SPEF2: variants seen among roughly 807,000 people sequenced by gnomAD.
SPEF2 encodes the protein sperm flagella and cilia-associated protein 2.
In SPEF2, 187 loss-of-function variants were observed where a neutral mutation model predicts 224.6. The ratio of observed to expected loss-of-function variants is 0.83; its 90% CI spans 0.74 to 0.94. The LOEUF (loss-of-function observed/expected upper bound fraction) is 0.94, where lower values mean the gene tolerates loss of function less well. Ranked by LOEUF, SPEF2 falls within the 40% of genes least tolerant of loss-of-function variation. SPEF2 has a pLI of 0.00. For missense variants in SPEF2, 2,170 were observed against 2,135.6 expected, an observed-to-expected ratio of 1.02 and a Z score of -0.32; for synonymous variants, 715 against 707.3, an observed-to-expected ratio of 1.01 and a Z score of -0.17.
intron 2 of SPEF2, among the ~76,000 whole-genome samples, chr5:35,632,371 G>C (rs1029897212): frequency 9.2e-5 from 14 of 152,170 alleles, no homozygotes; most frequent in African/African-American, 1.4e-4. Flanking sequence ...GAGTAGCAAA[G>C]TGGGAAGGGC....
intron 26 of SPEF2, among the ~76,000 whole-genome samples, chr5:35,771,176 T>C (rs1752802582): frequency 6.6e-6 from 1 of 151,780 alleles, no homozygotes; most frequent in African/African-American, 2.4e-5. Flanking sequence ...AAAAACTCTG[T>C]AGGGGATCAG....
chr5:35,692,418 A>ACAAAC, intron 11 of SPEF2, 152 bp from the exon 12 acceptor site: 1 of 632,952 alleles, frequency 1.6e-6, no homozygotes, highest in African/African-American at 1.8e-5. Context: ...CTCAAACAAA[A>ACAAAC]CAAACCAAAC....
At chr5:35,656,339 CTTCT>C (rs1284555420) in intron 7 of SPEF2, among the ~76,000 whole-genome samples, 2 of 152,142 alleles carry the variant, frequency 1.3e-5, no homozygotes, top group Non-Finnish European at 2.9e-5. Flanking sequence ...ATGGATTCCA[CTTCT>C]TTCTTAGTGA....
Position 35,805,979 on chromosome 5 carries a change from G to A in SPEF2, c.5011-728G>A, listed in dbSNP as rs566075369. Among the ~76,000 whole-genome samples the A allele has an allele frequency of 7.8e-4, 118 of 152,110 alleles. 1 individual carries two copies. Among genetic ancestry groups the A allele is most frequent in the South Asian group, 2.7e-3 (13 of 4,804 alleles). ...GAATCTTAGGTTTTCTATTTTTGCT[G>A]TAACACTGAATGAACAGCCATATAC... On this transcript the variant is annotated intron_variant, in intron 34 of 36. Coordinates refer to ENST00000356031, the MANE Select transcript of SPEF2 (RefSeq NM_024867.4).
intron 8 of SPEF2, among the ~76,000 whole-genome samples, chr5:35,662,799 G>C (rs1580171758): frequency 6.6e-6 from 1 of 152,012 alleles, no homozygotes; most frequent in East Asian, 1.9e-4. Context: ...GTCTGTTTTT[G>C]TGTTTTGATT....
At chr5:35,717,240 C>T (rs918245963) in intron 20 of SPEF2, among the ~76,000 whole-genome samples, 3 of 152,016 alleles carry the variant, frequency 2.0e-5, no homozygotes, top group Non-Finnish European at 4.4e-5. Flanking sequence ...CAGGAGACAC[C>T]ATATGTAAGA....
At chr5:35,805,106 G>A (rs991570) in intron 34 of SPEF2, among the ~76,000 whole-genome samples, 77,240 of 152,018 alleles carry the variant, frequency 0.51, 22,166 homozygotes, top group African/African-American at 0.79. Context: ...AGCATTTCCA[G>A]ATGTTTAAAG....
In SPEF2 at chr5:35,776,298, GC is replaced by G; in HGVS notation, c.4121del (p.Ala1374AspfsTer8). ...QFRLELIKTK[A>X]LALLEDLVTK... is the part of the protein sequence containing the mutation. ...TCGACTTGAACTGATAAAGACAAAA[GC>G]ATTGGCTCTTCTTGAAGATTTAGTA... On this transcript the variant is annotated frameshift_variant, in exon 29 of 37. Coordinates refer to ENST00000356031, the MANE Select transcript of SPEF2 (RefSeq NM_024867.4). LOFTEE classifies it high-confidence loss of function. The G allele has an allele frequency of 6.2e-7, 1 of 1,611,962 alleles. No homozygotes were observed. Among genetic ancestry groups the G allele is most frequent in the African/African-American group, 1.3e-5 (1 of 74,902 alleles).
At chr5:35,778,411 G>A (rs1225938335) in intron 29 of SPEF2, among the ~76,000 whole-genome samples, 1 of 152,138 alleles carries the variant, frequency 6.6e-6, no homozygotes, top group East Asian at 1.9e-4. Flanking sequence ...GAAATTCAGA[G>A]AGCCCAGGAT....
chr5:35,699,374 G>T (rs543772134), intron 15 of SPEF2: 1 of 152,168 alleles, frequency 6.6e-6, no homozygotes, highest in Non-Finnish European at 1.5e-5. Flanking sequence ...TTGTTTTCCA[G>T]CTGCAAATTA....
chr5:35,732,264 A>T (rs1467655560), intron 21 of SPEF2, among the ~76,000 whole-genome samples: 1 of 152,302 alleles, frequency 6.6e-6, no homozygotes, highest in Admixed American at 6.5e-5. Context: ...GAGGGCTGTG[A>T]GCAGGATATT....
intron 20 of SPEF2, among the ~76,000 whole-genome samples, chr5:35,718,161 G>T (rs1360348370): frequency 6.6e-6 from 1 of 152,112 alleles, no homozygotes; most frequent in East Asian, 1.9e-4. Context: ...AACCCCAACT[G>T]GTTAAAAAAA....
chr5:35,698,058 T>C (rs375552886), intron 15 of SPEF2: 246 of 230,968 alleles, frequency 1.1e-3, no homozygotes, highest in Admixed American at 1.7e-3. Flanking sequence ...CAATGAGAAA[T>C]TGAGTAATTG....
chr5:35,626,960 C>G (rs1744348552), intron 1 of SPEF2, among the ~76,000 whole-genome samples: 1 of 152,116 alleles, frequency 6.6e-6, no homozygotes, highest in Admixed American at 6.6e-5. Context: ...TATTTCTTCA[C>G]TGTCAATTAG....
chr5:35,794,337 T>A (rs951286823), intron 32 of SPEF2, among the ~76,000 whole-genome samples: 11 of 152,212 alleles, frequency 7.2e-5, no homozygotes, highest in Non-Finnish European at 1.6e-4. Flanking sequence ...GCATCTCACA[T>A]GAATTTCACC....
intron 34 of SPEF2, among the ~76,000 whole-genome samples, chr5:35,802,618 C>T (rs1428720290): frequency 3.9e-5 from 6 of 152,112 alleles, no homozygotes; most frequent in Non-Finnish European, 7.3e-5. Flanking sequence ...TGAGAAGAGA[C>T]ATACAAACAG....
At chr5:35,666,643 C>A (rs747297640) in intron 8 of SPEF2, among the ~76,000 whole-genome samples, 94 of 152,128 alleles carry the variant, frequency 6.2e-4, no homozygotes, top group Admixed American at 2.0e-4. Context: ...AGACAGAGGG[C>A]AATGGCTATA....
intron 21 of SPEF2, among the ~76,000 whole-genome samples, chr5:35,735,880 G>A (rs957191388): frequency 1.3e-5 from 2 of 152,128 alleles, no homozygotes; most frequent in African/African-American, 2.4e-5. Context: ...TGAACACTAC[G>A]TGTTCTTCAT....
rs1751660482 is a variant in SPEF2, at chr5:35,763,644, C to G, written c.3743C>G (p.Ala1248Gly). 3 of 1,613,764 alleles carry G rather than the reference C, an allele frequency of 1.9e-6. No homozygotes were observed. The highest frequency in any genetic ancestry group is 2.5e-6 in the Non-Finnish European group (3 of 1,179,868). ...GAAAACGTTGAGTCCAACTTTGAGG[C>G]CGATGAAAAGTTGGTCATGGACACC... ...SLENVESNFE[A>G]DEKLVMDTWQ... Residue 1248 changes from alanine to glycine, a missense_variant, in exon 26 of 37, where the codon GCC becomes GGC. Transcript: ENST00000356031.
Sources: gnomAD v4.1 joint callset for allele counts (sites outside exome capture counted in the v4.1 genomes callset) on GRCh38, gnomAD v4.1.1 for gene constraint, MANE v1.5 for transcripts, NCBI Gene and HGNC (gene_info 2026-07-23, HGNC 2026-07-21) for gene names.